The following DPF3 variants were observed in gnomAD, a reference collection of about 807,000 sequenced individuals.
DPF3 encodes the protein double PHD fingers 3.
Under a neutral mutation model 56.8 loss-of-function variants are expected in DPF3, and 18 were observed. That is an observed-to-expected ratio of 0.32 (90% CI 0.22 to 0.47). The LOEUF is 0.47. Ranked by LOEUF, DPF3 falls within the 20% of genes least tolerant of loss-of-function variation. The probability of loss-of-function intolerance (pLI) is 1.00; values close to 1 mark genes in which losing one functional copy is unlikely to be tolerated. For synonymous variants in DPF3, 188 were observed against 180.2 expected, an observed-to-expected ratio of 1.04 and a Z score of -0.35; for missense variants, 403 against 488.8, an observed-to-expected ratio of 0.82 and a Z score of 1.65.
intron 1 of DPF3, among the ~76,000 whole-genome samples, chr14:72,816,678 G>A (rs1287739720): frequency 6.6e-6 from 1 of 151,630 alleles, no homozygotes; most frequent in Non-Finnish European, 1.5e-5. Context: ...AAAGCACTTT[G>A]GAAATGTTAA....
intron 9 of DPF3, among the ~76,000 whole-genome samples, chr14:72,624,820 C>A (rs1157682295): frequency 6.6e-6 from 1 of 152,216 alleles, no homozygotes; most frequent in Non-Finnish European, 1.5e-5. Flanking sequence ...TCAGTTGGAT[C>A]TTTTCTCATG....
chr14:72,674,432 C>T, intron 7 of DPF3, 64 bp from the exon 8 acceptor site: 1 of 1,564,140 alleles, frequency 6.4e-7, no homozygotes, highest in Non-Finnish European at 8.7e-7. Context: ...CCCTTCTTCT[C>T]CTCCTACAGT....
At chr14:72,795,965 A>C (rs1012623343) in intron 1 of DPF3, among the ~76,000 whole-genome samples, 1 of 152,230 alleles carries the variant, frequency 6.6e-6, no homozygotes, top group Admixed American at 6.5e-5. Flanking sequence ...GCTTACAGTC[A>C]ACAATTTCTA....
intron 2 of DPF3, among the ~76,000 whole-genome samples, chr14:72,767,556 C>G (rs926786829): frequency 2.0e-5 from 3 of 151,942 alleles, no homozygotes; most frequent in Non-Finnish European, 4.4e-5. Flanking sequence ...AAGCAATGAA[C>G]TTGAAGAGAG....
intron 2 of DPF3, among the ~76,000 whole-genome samples, chr14:72,753,989 C>T (rs978372393): frequency 2.6e-5 from 4 of 151,922 alleles, no homozygotes; most frequent in Non-Finnish European, 5.9e-5. Context: ...TCTATATCCC[C>T]GCCTACATGC....
chr14:72,814,318 C>G (rs1883190668), intron 1 of DPF3, among the ~76,000 whole-genome samples: 1 of 151,944 alleles, frequency 6.6e-6, no homozygotes, highest in Non-Finnish European at 1.5e-5. Context: ...CCAAACTCTG[C>G]CTTCATCATA....
intron 8 of DPF3, among the ~76,000 whole-genome samples, chr14:72,672,090 C>T (rs1374116216): frequency 1.3e-5 from 2 of 151,936 alleles, no homozygotes; most frequent in Non-Finnish European, 1.5e-5. Flanking sequence ...CACACCCAGC[C>T]ACCAGCCATG....
chr14:72,867,763 G>A (rs556350369), intron 1 of DPF3, among the ~76,000 whole-genome samples: 29 of 152,274 alleles, frequency 1.9e-4, no homozygotes, highest in African/African-American at 6.7e-4. Flanking sequence ...TTTATTGGGA[G>A]ATTCTCACTC....
chr14:72,837,128 C>A (rs917107049), intron 1 of DPF3, among the ~76,000 whole-genome samples: 3 of 152,014 alleles, frequency 2.0e-5, no homozygotes, highest in African/African-American at 7.2e-5. Context: ...GTCTCGGCCA[C>A]CCAAAGTGCT....
chr14:72,771,166 C>CAA (rs57784890), intron 2 of DPF3, among the ~76,000 whole-genome samples: 1 of 142,336 alleles, frequency 7.0e-6, no homozygotes, highest in African/African-American at 2.7e-5. Context: ...GAGTCCATCT[C>CAA]AAAAAAAAAA....
chr14:72,765,448 T>C (rs1454498394), intron 2 of DPF3, among the ~76,000 whole-genome samples: 1 of 152,202 alleles, frequency 6.6e-6, no homozygotes, highest in East Asian at 1.9e-4. Context: ...TTCAAAAACT[T>C]GTACACAAAT....
intron 1 of DPF3, among the ~76,000 whole-genome samples, chr14:72,864,210 TCTTCATGGACTG>T (rs1233225101): frequency 7.1e-6 from 1 of 141,832 alleles, no homozygotes; most frequent in African/African-American, 2.7e-5. Context: ...ACCTGCTCCC[TCTTCATGGACTG>T]CTTCTCCTCC....
intron 2 of DPF3, among the ~76,000 whole-genome samples, chr14:72,764,540 G>A (rs1006115020): frequency 2.3e-5 from 3 of 129,756 alleles, no homozygotes; most frequent in Non-Finnish European, 4.7e-5. Context: ...CCAGGCTGGA[G>A]TGCAGTGGCA....
chr14:72,625,118 A>G (rs1884745044), intron 9 of DPF3, among the ~76,000 whole-genome samples: 1 of 152,184 alleles, frequency 6.6e-6, no homozygotes, highest in Non-Finnish European at 1.5e-5. Context: ...CCTACTTCTC[A>G]TCATACTTTT....
At chr14:72,677,979 AAGGAG>A (rs1886990431) in intron 7 of DPF3, among the ~76,000 whole-genome samples, 1 of 40,344 alleles carries the variant, frequency 2.5e-5, no homozygotes. Context: ...TGCGTATTGA[AAGGAG>A]AAGAAAAGGA....
intron 1 of DPF3, among the ~76,000 whole-genome samples, chr14:72,828,811 C>A (rs558173821): frequency 6.6e-6 from 1 of 152,134 alleles, no homozygotes; most frequent in Non-Finnish European, 1.5e-5. Flanking sequence ...AGGTGGGTGA[C>A]GTGATCAGAT....
intron 7 of DPF3, among the ~76,000 whole-genome samples, chr14:72,676,605 G>C (rs565818885): frequency 1.3e-5 from 2 of 152,162 alleles, no homozygotes. Context: ...TTGAATCATG[G>C]GGGCAGGTTT....
chr14:72,819,708 G>A (rs906802431), intron 1 of DPF3, among the ~76,000 whole-genome samples: 5 of 152,290 alleles, frequency 3.3e-5, no homozygotes, highest in African/African-American at 1.2e-4. Context: ...GGCCTGGGGC[G>A]AGTGGATTGC....
chr14:72,713,790 G>A (rs544093364), intron 6 of DPF3, among the ~76,000 whole-genome samples: 6 of 152,248 alleles, frequency 3.9e-5, no homozygotes, highest in Admixed American at 6.5e-5. Context: ...GGCTCCCTGC[G>A]ACTCCCCTCC....
Sources: allele counts gnomAD v4.1 joint callset (sites outside exome capture counted in the v4.1 genomes callset), GRCh38; gene constraint gnomAD v4.1.1; transcripts MANE v1.5; gene names NCBI Gene and HGNC (gene_info 2026-07-23, HGNC 2026-07-21).